The following TBC1D9 variants were observed in gnomAD, a reference collection of about 807,000 sequenced individuals.
The protein encoded by TBC1D9 is TBC1 domain family member 9A.
TBC1D9 carries 63 observed loss-of-function variants against 132.0 expected under a neutral mutation model. The observed-to-expected ratio is 0.48, with a 90% CI of 0.39 to 0.59. TBC1D9 has a LOEUF of 0.59. Among genes scored for constraint, TBC1D9 ranks in the 20% least tolerant of loss-of-function variants. TBC1D9 has a pLI of 0.00. For missense variants in TBC1D9, 1,261 were observed against 1,592.7 expected (o/e 0.79, Z 3.54); for synonymous variants, 610 against 609.9 (o/e 1.00, Z 0.00).
At chr4:140,667,386 G>T (rs964535686) in intron 9 of TBC1D9, among the ~76,000 whole-genome samples, 1 of 152,142 alleles carries the variant, frequency 6.6e-6, no homozygotes, top group African/African-American at 2.4e-5. Flanking sequence ...CACTTAAAAT[G>T]CAGCTATAAA....
rs1736641370 is a variant in TBC1D9 at position 140,622,807 on chromosome 4, A to C, written c.3189T>G (p.Ile1063Met). The change falls in exon 21 of 21, where the codon ATT becomes ATG. Residue 1063 changes from isoleucine (I) to methionine (M), a missense_variant. Ile to Met is a conservative substitution (Grantham distance 10). This residue lies in a region of TBC1D9 where 618 missense variants were observed against 724.4 expected (regional missense o/e 0.85). Transcript: ENST00000442267. ...TAAVTSLLLE[I>M]GEVGKLFVAQ... ...CCACGAACAACTTGCCGACCTCCCC[A>C]ATCTCCAGCAGGAGGCTGGTCACTG... The C allele has an allele frequency of 6.2e-7, 1 of 1,601,418 alleles. No homozygotes were observed. The highest frequency in any genetic ancestry group is 1.7e-5 in the Admixed American group (1 of 59,508).
At position 140,669,177 on chromosome 4, in the gene TBC1D9, A is replaced by G. The variant is rs118035402; in HGVS notation, c.1438-110T>C. 2.0e-4 allele frequency: 229 copies of G among 1,119,194 alleles called. 3 individuals carry two copies. The East Asian group carries it at 4.5e-3, about 22-fold the overall frequency. The allele number at this position is 1,119,194 out of a possible 1,614,324, so 69.3% of individuals were successfully genotyped here. On this transcript the variant is annotated intron_variant, in intron 8 of 20. Transcript: ENST00000442267. Reference sequence around the variant, plus strand: ...CTGCTGAACGGAGTGACAATTCCAGAAAGAAGTCATGAGAAAAAGGAACTC... The same window carrying G: ...CTGCTGAACGGAGTGACAATTCCAGGAAGAAGTCATGAGAAAAAGGAACTC...
At chr4:140,622,983 G>T in intron 20 of TBC1D9, 66 bp from the exon 21 acceptor site, 2 of 1,446,568 alleles carry the variant, frequency 1.4e-6, no homozygotes, top group South Asian at 2.9e-5. Context: ...CACTGAAGTG[G>T]ACTGTAAAGC....
At chr4:140,700,944 A>C (rs1256531468) in intron 2 of TBC1D9, 3 of 152,742 alleles carry the variant, frequency 2.0e-5, no homozygotes, top group African/African-American at 7.2e-5. Flanking sequence ...GGACCAGCCA[A>C]AGCAAGATTG....
intron 6 of TBC1D9, among the ~76,000 whole-genome samples, chr4:140,674,693 T>TA (rs1426459765): frequency 0.02 from 2,630 of 134,640 alleles, 66 homozygotes; most frequent in African/African-American, 0.071. Flanking sequence ...ATATATATAT[T>TA]TTTTTTTAAT....
At chr4:140,722,230 CT>C (rs1385783059) in intron 1 of TBC1D9, among the ~76,000 whole-genome samples, 1 of 152,158 alleles carries the variant, frequency 6.6e-6, no homozygotes, top group Non-Finnish European at 1.5e-5. Flanking sequence ...CCACTAATCA[CT>C]TTTAAATTTC....
intron 2 of TBC1D9, among the ~76,000 whole-genome samples, chr4:140,699,458 G>A (rs1738029724): frequency 1.3e-5 from 2 of 152,184 alleles, no homozygotes; most frequent in Admixed American, 1.3e-4. Context: ...AAATCATGTT[G>A]ATAAAATGTA....
Position 140,642,552 on chromosome 4 carries a change from C to T in TBC1D9, c.2338-3124G>A, listed in dbSNP as rs867270670. Reference sequence around the variant, plus strand: ...TGTCCTGCTTGGTGAGGGAGAGGGCCTTTGTCGAGCTTGCTTGCCAACTGC... The same window carrying T: ...TGTCCTGCTTGGTGAGGGAGAGGGCTTTTGTCGAGCTTGCTTGCCAACTGC... On this transcript the variant is annotated intron_variant, in intron 13 of 20. Coordinates refer to ENST00000442267, the MANE Select transcript of TBC1D9 (RefSeq NM_015130.3). 116 of 1,076,138 alleles carry T rather than the reference C, an allele frequency of 1.1e-4. No individual in the cohort carries two copies. In the Middle Eastern group the frequency reaches 1.4e-3, roughly 13 times the overall value. The allele number at this position is 1,076,138 out of a possible 1,614,324, so 66.7% of individuals were successfully genotyped here. A position where few individuals can be genotyped will look rare whatever the true frequency, so the allele number is the denominator to read the frequency against.
intron 13 of TBC1D9, chr4:140,643,717 G>T: frequency 8.3e-7 from 1 of 1,211,662 alleles, no homozygotes; most frequent in Non-Finnish European, 1.1e-6. Context: ...GCCGTGCAGG[G>T]TTCTGTCCGG....
intron 1 of TBC1D9, among the ~76,000 whole-genome samples, chr4:140,726,899 T>C (rs537139244): frequency 9.2e-5 from 14 of 152,298 alleles, no homozygotes; most frequent in African/African-American, 3.4e-4. Context: ...TGTTACATAG[T>C]CAAGCTGCCT....
At chr4:140,643,832 G>A in intron 13 of TBC1D9, 3 of 719,532 alleles carry the variant, frequency 4.2e-6, no homozygotes, top group Non-Finnish European at 4.8e-6. Context: ...CCTCCAACGG[G>A]CCACCTCTGC....
chr4:140,679,808 T>C lies in TBC1D9; in HGVS notation c.396A>G (p.Val132=). Residue 132 remains valine (V), a synonymous_variant, in exon 4 of 21, where the codon GTA becomes GTG. Coordinates refer to ENST00000442267, the MANE Select transcript of TBC1D9 (RefSeq NM_015130.3). ...IIAEYNKIND[V]KEDDDTEKFK... is the part of the protein sequence containing the mutation. ...ACTTCTCCGTGTCATCATCTTCCTTTACATCATTGATTTTGTTGTATTCTG... is the reference window on the plus strand; with the variant it reads ...ACTTCTCCGTGTCATCATCTTCCTTCACATCATTGATTTTGTTGTATTCTG... 6.2e-7 allele frequency: 1 copy of C among 1,613,620 alleles called. No homozygotes were observed. The highest frequency in any genetic ancestry group is 8.5e-7 in the Non-Finnish European group (1 of 1,179,768).
At chr4:140,632,080 T>C (rs1370742282) in intron 16 of TBC1D9, among the ~76,000 whole-genome samples, 1 of 152,232 alleles carries the variant, frequency 6.6e-6, no homozygotes, top group African/African-American at 2.4e-5. Flanking sequence ...AGTCTAAATA[T>C]TCTTTTCCAG....
intron 1 of TBC1D9, among the ~76,000 whole-genome samples, chr4:140,736,973 T>C (rs1738682320): frequency 6.6e-6 from 1 of 152,166 alleles, no homozygotes; most frequent in Non-Finnish European, 1.5e-5. Context: ...GGGAGCAGTT[T>C]AGTGGAAGGC....
chr4:140,666,497 A>G (rs901560457), intron 9 of TBC1D9, among the ~76,000 whole-genome samples: 4 of 152,024 alleles, frequency 2.6e-5, no homozygotes, highest in Non-Finnish European at 2.9e-5. Flanking sequence ...CACCGCGCCC[A>G]TCTAATTTTT....
chr4:140,670,672 C>T (rs1737520570), intron 7 of TBC1D9, 48 bp downstream of exon 7: 1 of 1,530,112 alleles, frequency 6.5e-7, no homozygotes, highest in East Asian at 2.3e-5. Context: ...CACACTTGGG[C>T]ACAGGAACAG....
intron 1 of TBC1D9, among the ~76,000 whole-genome samples, chr4:140,749,291 C>CATAAT (rs1304778286): frequency 6.6e-6 from 1 of 151,310 alleles, no homozygotes; most frequent in Non-Finnish European, 1.5e-5. Flanking sequence ...CCAGAATAAC[C>CATAAT]ACTAAAAGAA....
At chr4:140,745,559 T>C (rs772096264) in intron 1 of TBC1D9, among the ~76,000 whole-genome samples, 1 of 152,202 alleles carries the variant, frequency 6.6e-6, no homozygotes, top group Non-Finnish European at 1.5e-5. Context: ...ACAGTAAATA[T>C]ACTTTCTTTT....
chr4:140,639,262 T>C (rs1004379821), intron 14 of TBC1D9, 68 bp downstream of exon 14: 1 of 1,482,872 alleles, frequency 6.7e-7, no homozygotes, highest in Admixed American at 1.9e-5. Flanking sequence ...CAGGCAGGAA[T>C]CCACAGCCAG....
Sources: gnomAD v4.1 joint callset for allele counts (sites outside exome capture counted in the v4.1 genomes callset) on GRCh38, gnomAD v4.1.1 for gene constraint, gnomAD v4.1.1 regional missense constraint, MANE v1.5 for transcripts, NCBI Gene and HGNC (gene_info 2026-07-23, HGNC 2026-07-21) for gene names.